GRIK3: variants seen among roughly 807,000 people sequenced by gnomAD.
GRIK3 encodes the protein glutamate receptor ionotropic, kainate 3.
GRIK3 carries 29 observed loss-of-function variants against 102.5 expected under a neutral mutation model. The observed-to-expected ratio is 0.28, with a 90% CI of 0.21 to 0.39. The LOEUF (loss-of-function observed/expected upper bound fraction) is 0.39. GRIK3 is among the 10% of genes least tolerant of loss of function. The pLI, the probability that GRIK3 is intolerant of heterozygous loss-of-function variation, is 1.00. For synonymous variants in GRIK3, 511 were observed against 504.9 expected, an observed-to-expected ratio of 1.01 and a Z score of -0.16; for missense variants, 908 against 1,252.4, an observed-to-expected ratio of 0.73 and a Z score of 4.15.
chr1:36,903,574 T>C (rs1451335962), intron 1 of GRIK3, among the ~76,000 whole-genome samples: 1 of 152,216 alleles, frequency 6.6e-6, no homozygotes, highest in Non-Finnish European at 1.5e-5. Context: ...CAAGATATCC[T>C]TCAGTAGATG....
intron 1 of GRIK3, among the ~76,000 whole-genome samples, chr1:36,966,483 G>C (rs1417507881): frequency 6.6e-6 from 1 of 152,140 alleles, no homozygotes; most frequent in East Asian, 1.9e-4. Flanking sequence ...CTCCAGCAAG[G>C]TTCTGCTTGG....
chr1:37,020,894 G>T (rs1422006609), intron 1 of GRIK3, among the ~76,000 whole-genome samples: 2 of 152,168 alleles, frequency 1.3e-5, no homozygotes, highest in Admixed American at 1.3e-4. Flanking sequence ...AGAGGTTGGG[G>T]TGTCTCTCAA....
chr1:37,010,962 C>T (rs1333645965), intron 1 of GRIK3, among the ~76,000 whole-genome samples: 4 of 152,032 alleles, frequency 2.6e-5, no homozygotes, highest in Non-Finnish European at 5.9e-5. Flanking sequence ...AGGATGATCT[C>T]GATCTCCTGA....
chr1:37,007,275 A>G (rs1642542657), intron 1 of GRIK3, among the ~76,000 whole-genome samples: 1 of 152,224 alleles, frequency 6.6e-6, no homozygotes, highest in East Asian at 1.9e-4. Context: ...GGCACAGAGA[A>G]GAAAAGTAAC....
At chr1:37,023,864 G>A (rs1004602571) in intron 1 of GRIK3, among the ~76,000 whole-genome samples, 2 of 152,188 alleles carry the variant, frequency 1.3e-5, no homozygotes, top group Non-Finnish European at 2.9e-5. Context: ...TCCAAGCATG[G>A]AGACATGGTA....
At chr1:36,986,878 T>C (rs930592913) in intron 1 of GRIK3, among the ~76,000 whole-genome samples, 17 of 152,194 alleles carry the variant, frequency 1.1e-4, no homozygotes, top group Admixed American at 1.0e-3. Context: ...GGGGTCAAAC[T>C]AAATTCTCCC....
At chr1:36,855,171 AT>A (rs1640636243) in intron 7 of GRIK3, among the ~76,000 whole-genome samples, 1 of 152,174 alleles carries the variant, frequency 6.6e-6, no homozygotes, top group African/African-American at 2.4e-5. Flanking sequence ...GAGGGAGGGT[AT>A]CCGGAGAAGA....
intron 1 of GRIK3, among the ~76,000 whole-genome samples, chr1:37,018,597 A>G (rs1642677790): frequency 6.6e-6 from 1 of 152,170 alleles, no homozygotes. Flanking sequence ...AGGAGAAAGC[A>G]TTAATATTTT....
intron 1 of GRIK3, among the ~76,000 whole-genome samples, chr1:36,892,094 C>T (rs561812702): frequency 9.2e-5 from 14 of 152,322 alleles, no homozygotes; most frequent in African/African-American, 2.6e-4. Context: ...TCTCTGCTCA[C>T]GGCAGCCTCC....
intron 7 of GRIK3, 66 bp downstream of exon 7, chr1:36,859,042 C>A: frequency 7.3e-7 from 1 of 1,374,082 alleles, no homozygotes; most frequent in Admixed American, 2.1e-5. Context: ...TCCCAGACCA[C>A]TCTGCTGCTC....
chr1:36,886,274 C>T (rs537029245), intron 2 of GRIK3, among the ~76,000 whole-genome samples: 1 of 152,006 alleles, frequency 6.6e-6, no homozygotes, highest in Non-Finnish European at 1.5e-5. Context: ...CTCTGTGTCC[C>T]CTCCCCCCAC....
chr1:36,913,749 C>G (rs1161700823), intron 1 of GRIK3, among the ~76,000 whole-genome samples: 1 of 152,032 alleles, frequency 6.6e-6, no homozygotes, highest in Non-Finnish European at 1.5e-5. Context: ...AGGAGCTCTC[C>G]CAGGCAAACC....
At chr1:36,915,069 C>T (rs1261645687) in intron 1 of GRIK3, among the ~76,000 whole-genome samples, 1 of 152,152 alleles carries the variant, frequency 6.6e-6, no homozygotes, top group Admixed American at 6.5e-5. Flanking sequence ...TTATCAACAC[C>T]CCAGAAAAAG....
intron 1 of GRIK3, among the ~76,000 whole-genome samples, chr1:36,955,972 C>T (rs1194200523): frequency 6.6e-6 from 1 of 152,234 alleles, no homozygotes; most frequent in African/African-American, 2.4e-5. Flanking sequence ...TGGTAGGTGA[C>T]GGTGAGGAAG....
chr1:37,005,015 C>T (rs1422676497), intron 1 of GRIK3, among the ~76,000 whole-genome samples: 2 of 152,218 alleles, frequency 1.3e-5, no homozygotes, highest in African/African-American at 4.8e-5. Context: ...GCTTAAGTGC[C>T]TGTCTCAGAC....
chr1:36,924,985 G>A (rs780900458), intron 1 of GRIK3, among the ~76,000 whole-genome samples: 9 of 152,152 alleles, frequency 5.9e-5, no homozygotes, highest in Non-Finnish European at 1.3e-4. Context: ...GTGAAAGGCA[G>A]TATTTACAAA....
intron 13 of GRIK3, among the ~76,000 whole-genome samples, chr1:36,811,342 AG>A (rs1642560112): frequency 6.6e-6 from 1 of 152,142 alleles, no homozygotes; most frequent in Admixed American, 6.5e-5. Flanking sequence ...AAGTAACTAA[AG>A]AAGGCTGGGG....
intron 1 of GRIK3, among the ~76,000 whole-genome samples, chr1:36,955,115 C>A (rs369382137): frequency 4.2e-4 from 64 of 152,232 alleles, no homozygotes; most frequent in African/African-American, 1.5e-3. Context: ...TGAGGGGCCA[C>A]CCCAGAGTGG....
chr1:37,003,407 C>T (rs1327626877), intron 1 of GRIK3, among the ~76,000 whole-genome samples: 1 of 151,116 alleles, frequency 6.6e-6, no homozygotes. Flanking sequence ...CAATGCCCTC[C>T]CAGGTCAATC....
Sources: gnomAD v4.1 joint callset for allele counts (sites outside exome capture counted in the v4.1 genomes callset) on GRCh38, gnomAD v4.1.1 for gene constraint, MANE v1.5 for transcripts, NCBI Gene and HGNC (gene_info 2026-07-23, HGNC 2026-07-21) for gene names.